The following ZNF777 variants were observed in gnomAD, a reference collection of about 807,000 sequenced individuals.
ZNF777 encodes the protein zinc finger protein 777.
In ZNF777, 7 loss-of-function variants were observed where a neutral mutation model predicts 72.1. The observed-to-expected ratio is 0.10, with a 90% CI of 0.06 to 0.18. ZNF777 has a LOEUF of 0.18. Among genes scored for constraint, ZNF777 ranks in the 10% least tolerant of loss-of-function variants. ZNF777 has a pLI of 1.00. For missense variants in ZNF777, 828 were observed against 1,128.6 expected, an observed-to-expected ratio of 0.73 and a Z score of 3.82; for synonymous variants, 545 against 483.5, an observed-to-expected ratio of 1.13 and a Z score of -1.67.
chr7:149,444,236 T>G (rs757525584), intron 4 of ZNF777, among the ~76,000 whole-genome samples: 1 of 152,214 alleles, frequency 6.6e-6, no homozygotes, highest in African/African-American at 2.4e-5. Context: ...CCTGTAAACC[T>G]TCTTGCTTTC....
intron 4 of ZNF777, among the ~76,000 whole-genome samples, chr7:149,440,861 T>C (rs967524117): frequency 6.6e-6 from 1 of 152,000 alleles, no homozygotes; most frequent in African/African-American, 2.4e-5. Context: ...CTCAAGAGCA[T>C]GGGTACCTCA....
Position 149,431,394 on chromosome 7 carries a change from T to C in ZNF777, c.*382A>G, listed in dbSNP as rs199912632. The C allele has an allele frequency of 1.3e-4, 52 of 385,446 alleles. No homozygotes were observed. The highest frequency in any genetic ancestry group is 6.9e-4 in the Middle Eastern group (2 of 2,882). 23.9% of individuals were successfully genotyped at this position (385,446 alleles called of 1,614,324 possible). On this transcript the variant is annotated 3_prime_UTR_variant, in exon 6 of 6. Coordinates refer to ENST00000247930, the MANE Select transcript of ZNF777 (RefSeq NM_015694.3). ...TAAAAATTACTCTATTATTATCAAA[T>C]AGAACCACAGTATCCAAAAGGTAAT... is the stretch of plus-strand genomic sequence containing the variant.
At chr7:149,447,865 T>TC (rs1554493914) in intron 4 of ZNF777, among the ~76,000 whole-genome samples, 7 of 152,044 alleles carry the variant, frequency 4.6e-5, no homozygotes, top group Non-Finnish European at 1.0e-4. Context: ...CTTTCATCTG[T>TC]GGGGGGTGTT....
chr7:149,432,472 T>C lies in ZNF777; in HGVS notation c.1800A>G (p.Gly600=). ...TLHQRIHRVR[G]GCVSPERGPT... is the part of the protein sequence containing the mutation. ...GCCCGCGTTCGGGTGAGACGCAGCCTCCGCGCACGCGGTGGATGCGCTGGT... is the reference window on the plus strand; with the variant it reads ...GCCCGCGTTCGGGTGAGACGCAGCCCCCGCGCACGCGGTGGATGCGCTGGT... Residue 600 remains glycine, a synonymous_variant, in exon 6 of 6, where the codon GGA becomes GGG. Transcript: ENST00000247930. 1 of 1,613,680 alleles carries C rather than the reference T, an allele frequency of 6.2e-7. No individual in the cohort carries two copies. The highest frequency in any genetic ancestry group is 8.5e-7 in the Non-Finnish European group (1 of 1,179,860).
chr7:149,454,662 T>G (rs566364994), intron 2 of ZNF777, among the ~76,000 whole-genome samples: 126 of 152,310 alleles, frequency 8.3e-4, no homozygotes, highest in African/African-American at 3.0e-3. Flanking sequence ...AGCAAGCCAG[T>G]CCACACTCAA....
At chr7:149,459,496 C>T (rs1374662691) in intron 1 of ZNF777, among the ~76,000 whole-genome samples, 1 of 152,132 alleles carries the variant, frequency 6.6e-6, no homozygotes, top group Non-Finnish European at 1.5e-5. Flanking sequence ...CTGGGCGCTG[C>T]CCGGCCTCCC....
At position 149,455,701 on chromosome 7, in the gene ZNF777, G is replaced by A; in HGVS notation, c.322C>T (p.Pro108Ser). 6.4e-7 allele frequency: 1 copy of A among 1,573,354 alleles called. No individual in the cohort carries two copies. The change falls in exon 2 of 6, where the codon CCA (proline) becomes TCA (serine). Residue 108 changes from proline (P) to serine (S), a missense_variant. This residue lies in a region of ZNF777 where 222 missense variants were observed against 211.2 expected (regional missense o/e 1.05). Transcript: ENST00000247930. The surrounding 1 kb of genome is among the most constrained non-coding windows in gnomAD (Gnocchi z 4.2). Reference sequence around the variant, plus strand: ...GAGACTTCTTGTTCAGCAGCAGCTGGGGGTGGATACTGGGTCCCTTCCTGG... The same window carrying A: ...GAGACTTCTTGTTCAGCAGCAGCTGAGGGTGGATACTGGGTCCCTTCCTGG... ...ASQEGTQYPP[P>S]AAAEQEVSLL...
In ZNF777 at chr7:149,456,057, G is replaced by A; in HGVS notation, c.-15-20C>T. On this transcript the variant is annotated intron_variant, in intron 1 of 5. Transcript: ENST00000247930. ...CTGAACCTGTGTTCATGGAAGAAAG[G>A]AAAAGAGGATTAAAGGCCACAGTCT... 1 of 1,523,624 alleles carries A rather than the reference G, an allele frequency of 6.6e-7. No individual in the cohort carries two copies. Among genetic ancestry groups the A allele is most frequent in the Non-Finnish European group, 8.8e-7 (1 of 1,136,278 alleles). The allele number at this position is 1,523,624 out of a possible 1,614,324, so 94.4% of individuals were successfully genotyped here. A position where few individuals can be genotyped will look rare whatever the true frequency, so the allele number is the denominator to read the frequency against.
chr7:149,433,355 T>G (rs993032537), intron 5 of ZNF777, among the ~76,000 whole-genome samples: 1 of 152,220 alleles, frequency 6.6e-6, no homozygotes, highest in African/African-American at 2.4e-5. Context: ...CACGATTCTC[T>G]AATTATATGA....
chr7:149,452,825 T>C (rs763651134), intron 3 of ZNF777, among the ~76,000 whole-genome samples: 1 of 152,184 alleles, frequency 6.6e-6, no homozygotes, highest in Non-Finnish European at 1.5e-5. Flanking sequence ...AAACTATAAA[T>C]GTGCATCCTG....
At chr7:149,451,797 G>A (rs1252620525) in intron 3 of ZNF777, among the ~76,000 whole-genome samples, 1 of 152,130 alleles carries the variant, frequency 6.6e-6, no homozygotes, top group Non-Finnish European at 1.5e-5. Context: ...TGGAAATAAA[G>A]TTAAAAGATG....
chr7:149,458,209 G>A lies in ZNF777; in HGVS notation c.-15-2172C>T, dbSNP rs192802250. 2.0e-3 allele frequency among the ~76,000 whole-genome samples: 298 copies of A among 152,310 alleles called. 2 individuals carry two copies. The highest frequency in any genetic ancestry group is 6.8e-3 in the African/African-American group (281 of 41,558). ...AAAAAGACAAAAGGGCACATACACA[G>A]AATTTTGCAGACATCTTCAAGGAGC... is the stretch of plus-strand genomic sequence containing the variant. On this transcript the variant is annotated intron_variant, in intron 1 of 5. Coordinates refer to ENST00000247930, the MANE Select transcript of ZNF777 (RefSeq NM_015694.3).
chr7:149,442,868 T>C (rs1799547904), intron 4 of ZNF777, among the ~76,000 whole-genome samples: 1 of 152,336 alleles, frequency 6.6e-6, no homozygotes, highest in African/African-American at 2.4e-5. Context: ...TATTGTGTTT[T>C]TTCTACTTAT....
At chr7:149,441,997 C>G (rs1225487267) in intron 4 of ZNF777, among the ~76,000 whole-genome samples, 1 of 151,170 alleles carries the variant, frequency 6.6e-6, no homozygotes, top group Non-Finnish European at 1.5e-5. Flanking sequence ...AGGACAAACT[C>G]CTGACGTCAG....
At chr7:149,450,898 T>C (rs1799700244) in intron 4 of ZNF777, 101 bp downstream of exon 4, 1 of 1,051,594 alleles carries the variant, frequency 9.5e-7, no homozygotes, top group South Asian at 1.5e-5. Flanking sequence ...TGCTAACATA[T>C]CCTGGCAGGG....
intron 1 of ZNF777, among the ~76,000 whole-genome samples, chr7:149,457,985 C>T (rs1218035424): frequency 6.6e-6 from 1 of 152,186 alleles, no homozygotes; most frequent in Admixed American, 6.5e-5. Flanking sequence ...GGCAGCTGGC[C>T]AGGCAGGTGT....
chr7:149,445,234 T>C (rs951642634), intron 4 of ZNF777, among the ~76,000 whole-genome samples: 5 of 152,200 alleles, frequency 3.3e-5, no homozygotes, highest in Non-Finnish European at 7.3e-5. Flanking sequence ...ATGAATGCAT[T>C]CACTTATTTG....
intron 2 of ZNF777, 56 bp from the exon 3 acceptor site, chr7:149,454,293 G>A (rs900887419): frequency 1.1e-5 from 18 of 1,607,046 alleles, no homozygotes; most frequent in South Asian, 2.2e-5. Context: ...ACAGGCCCAC[G>A]GCTGGCCAAT....
In ZNF777 at chr7:149,455,491, G is replaced by A. The variant is rs967820397; in HGVS notation, c.532C>T (p.Leu178Phe). ...AAGCGGGTGATCTCTGCCGTGGGGA[G>A]CGGCTGTTCCTTCTGGACTGCAGAA... is the stretch of plus-strand genomic sequence containing the variant. ...ISSAVQKEQP[L>F]PTAEITRLAV... Residue 178 changes from leucine (L) to phenylalanine (F), a missense_variant, in exon 2 of 6, where the codon CTC becomes TTC. Physicochemically the swap from Leu to Phe is conservative, Grantham distance 22. Around this residue, in one of 12 missense-constraint regions of ZNF777, gnomAD observed 76 missense variants for 157.3 expected, o/e 0.48. Transcript: ENST00000247930. This position sits in a 1 kb window ranked among gnomAD's most constrained non-coding sequence, Gnocchi z 4.2. 2 of 1,614,082 alleles carry A rather than the reference G, an allele frequency of 1.2e-6. No homozygotes were observed. The highest frequency in any genetic ancestry group is 1.6e-4 in the Middle Eastern group (1 of 6,062).
Sources: gnomAD v4.1 joint callset for allele counts (sites outside exome capture counted in the v4.1 genomes callset) on GRCh38, gnomAD v4.1.1 for gene constraint, gnomAD v4.1.1 regional missense constraint, Gnocchi (gnomAD v3.1) non-coding constraint, MANE v1.5 for transcripts, NCBI Gene and HGNC (gene_info 2026-07-23, HGNC 2026-07-21) for gene names.